The following ITGAL variants were observed in gnomAD, a reference collection of about 807,000 sequenced individuals.
The protein encoded by ITGAL is integrin subunit alpha L.
A neutral mutation model predicts 138.4 loss-of-function variants in ITGAL; 68 were observed. The observed-to-expected ratio is 0.49, with a 90% CI of 0.40 to 0.60. ITGAL has a LOEUF of 0.60. ITGAL is among the 20% of genes least tolerant of loss of function. ITGAL has a pLI of 0.00. For missense variants in ITGAL, 1,256 were observed against 1,478.6 expected, an observed-to-expected ratio of 0.85 and a Z score of 2.47; for synonymous variants, 561 against 584.3, an observed-to-expected ratio of 0.96 and a Z score of 0.57.
intron 15 of ITGAL, 117 bp from the exon 16 acceptor site, chr16:30,498,957 G>A: frequency 1.3e-6 from 1 of 784,424 alleles, no homozygotes; most frequent in Non-Finnish European, 2.1e-6. Flanking sequence ...ACAGTGACAT[G>A]TTGAGGTCTG....
At chr16:30,484,419 G>A (rs1266683133) in intron 9 of ITGAL, among the ~76,000 whole-genome samples, 156 bp downstream of exon 9, 1 of 151,716 alleles carries the variant, frequency 6.6e-6, no homozygotes, top group Non-Finnish European at 1.5e-5. Context: ...GACCAGCCTG[G>A]GCAACATGGC....
chr16:30,496,006 C>T (rs1007573832), intron 13 of ITGAL, 91 bp from the exon 14 acceptor site: 6 of 1,057,564 alleles, frequency 5.7e-6, no homozygotes, highest in African/African-American at 3.1e-5. Flanking sequence ...TGAGGGACCC[C>T]ATCTTACGTT....
At chr16:30,485,573 G>T (rs1296334675) in intron 9 of ITGAL, among the ~76,000 whole-genome samples, 2 of 151,618 alleles carry the variant, frequency 1.3e-5, no homozygotes, top group Non-Finnish European at 2.9e-5. Context: ...CACCCAGGCT[G>T]GGGTACAGTG....
Position 30,472,809 on chromosome 16 carries a change from G to A in ITGAL, c.-29G>A. On this transcript the variant is annotated 5_prime_UTR_variant, in exon 1 of 31. Coordinates refer to ENST00000356798, the MANE Select transcript of ITGAL (RefSeq NM_002209.3). ...CACGGGCCTCCTGACGCTGCCCCTG[G>A]GGCCACAGGTCCCTCGAGTGCTGGA... is the stretch of plus-strand genomic sequence containing the variant. 6.2e-7 allele frequency: 1 copy of A among 1,608,446 alleles called. No homozygotes were observed.
chr16:30,478,852 A>G (rs376300645), intron 4 of ITGAL, among the ~76,000 whole-genome samples: 3 of 152,060 alleles, frequency 2.0e-5, no homozygotes, highest in Admixed American at 6.6e-5. Flanking sequence ...CCAGATAAGG[A>G]GTCCAGACTC....
intron 17 of ITGAL, among the ~76,000 whole-genome samples, chr16:30,499,803 C>T (rs1343726210): frequency 1.4e-5 from 2 of 142,994 alleles, no homozygotes; most frequent in Admixed American, 1.4e-4. Context: ...GTCTCACTTA[C>T]TACAGCACGA....
At position 30,496,231 on chromosome 16, in the gene ITGAL, G is replaced by A; in HGVS notation, c.1638G>A (p.Glu546=). The A allele has an allele frequency of 1.2e-6, 2 of 1,612,580 alleles. No homozygotes were observed. Among genetic ancestry groups the A allele is most frequent in the East Asian group, 2.2e-5 (1 of 44,874 alleles). The change falls in exon 14 of 31, where the codon GAG becomes GAA. Residue 546 remains glutamate (E), a synonymous_variant. Coordinates refer to ENST00000356798, the MANE Select transcript of ITGAL (RefSeq NM_002209.3). ...ACGTGGCTGTGGGGGCCCCTCTGGA[G>A]GAGCAGGGGGCTGTGTACATCTTCA... is the stretch of plus-strand genomic sequence containing the variant. ...LVDVAVGAPL[E]EQGAVYIFNG...
At chr16:30,503,246 C>T (rs1381697017) in intron 17 of ITGAL, among the ~76,000 whole-genome samples, 1 of 152,142 alleles carries the variant, frequency 6.6e-6, no homozygotes, top group Non-Finnish European at 1.5e-5. Context: ...CAAACCTCTA[C>T]TCAGTGCCCC....
At chr16:30,481,882 G>C (rs911040980) in intron 7 of ITGAL, among the ~76,000 whole-genome samples, 20 of 151,798 alleles carry the variant, frequency 1.3e-4, no homozygotes, top group Non-Finnish European at 2.7e-4. Flanking sequence ...TTGTTTGTTT[G>C]GTTTTTGGTT....
At chr16:30,498,161 C>T (rs2050831328) in intron 15 of ITGAL, among the ~76,000 whole-genome samples, 1 of 149,624 alleles carries the variant, frequency 6.7e-6, no homozygotes, top group Non-Finnish European at 1.5e-5. Flanking sequence ...CCCATCTCTA[C>T]TAAAAATACA....
intron 25 of ITGAL, among the ~76,000 whole-genome samples, chr16:30,515,325 C>T (rs965629478): frequency 3.9e-5 from 6 of 152,196 alleles, no homozygotes; most frequent in Non-Finnish European, 8.8e-5. Flanking sequence ...ACCGCCCAGA[C>T]CCAATTCCTC....
Position 30,505,320 on chromosome 16 carries a change from A to C in ITGAL, c.2292+20A>C, listed in dbSNP as rs2151166420. Reference sequence around the variant, plus strand: ...TGGGAGGTAAGAGGGGAGAAGGGGCAGGCAGAGAGGCCTGGGAACAAGTCC... The same window carrying C: ...TGGGAGGTAAGAGGGGAGAAGGGGCCGGCAGAGAGGCCTGGGAACAAGTCC... On this transcript the variant is annotated intron_variant, in intron 19 of 30. Transcript: ENST00000356798. The C allele has an allele frequency of 1.2e-6, 2 of 1,613,188 alleles. No homozygotes were observed. Among genetic ancestry groups the C allele is most frequent in the African/African-American group, 2.7e-5 (2 of 75,044 alleles).
At chr16:30,498,975 G>A in intron 15 of ITGAL, 99 bp from the exon 16 acceptor site, 1 of 1,057,784 alleles carries the variant, frequency 9.5e-7, no homozygotes, top group South Asian at 1.5e-5. Flanking sequence ...CTGCTTTAGG[G>A]AAGGAGAGTT....
At chr16:30,519,505 T>C (rs1238287438) in intron 29 of ITGAL, among the ~76,000 whole-genome samples, 2 of 152,190 alleles carry the variant, frequency 1.3e-5, no homozygotes, top group Admixed American at 6.5e-5. Flanking sequence ...GTGGTGAGTG[T>C]TGGCAGGGCA....
Position 30,484,134 on chromosome 16 carries a change from A to G in ITGAL, c.877A>G (p.Lys293Glu), listed in dbSNP as rs560390527. The stretch of plus-strand genomic sequence containing the variant: ...ACAGATTGGAAAGCATTTTCAGACC[A>G]AGGAGAGTCAGGAGACCCTCCACAA... ...IIGIGKHFQT[K>E]ESQETLHKFA... Residue 293 changes from lysine to glutamate, a missense_variant, in exon 9 of 31, where the codon AAG becomes GAG. This residue lies in a region of ITGAL where 177 missense variants were observed against 288.8 expected (regional missense o/e 0.61). Coordinates refer to ENST00000356798, the MANE Select transcript of ITGAL (RefSeq NM_002209.3). 5 of 1,614,070 alleles carry G rather than the reference A, an allele frequency of 3.1e-6. No homozygotes were observed. The highest frequency in any genetic ancestry group is 2.7e-5 in the African/African-American group (2 of 75,026).
chr16:30,505,709 C>G (rs1316327414), intron 20 of ITGAL, among the ~76,000 whole-genome samples: 3 of 151,978 alleles, frequency 2.0e-5, no homozygotes, highest in African/African-American at 4.8e-5. Context: ...ATAGCAAGAC[C>G]CTGTCACTAA....
intron 9 of ITGAL, among the ~76,000 whole-genome samples, chr16:30,484,615 A>C (rs2050612415): frequency 6.6e-6 from 1 of 151,422 alleles, no homozygotes; most frequent in Non-Finnish European, 1.5e-5. Context: ...ATTTCAAAAA[A>C]TAAAAAACAA....
intron 15 of ITGAL, 92 bp downstream of exon 15, chr16:30,496,658 T>C (rs1286621895): frequency 1.6e-6 from 2 of 1,222,472 alleles, no homozygotes; most frequent in African/African-American, 3.2e-5. Flanking sequence ...TGGTTTTTTT[T>C]AGAGACAGGG....
At chr16:30,487,747 C>T (rs1255203854) in intron 9 of ITGAL, among the ~76,000 whole-genome samples, 2 of 149,380 alleles carry the variant, frequency 1.3e-5, no homozygotes, top group African/African-American at 4.9e-5. Context: ...ACTGTGTCAG[C>T]CAGGCTGGAG....
Sources: allele counts gnomAD v4.1 joint callset (sites outside exome capture counted in the v4.1 genomes callset), GRCh38; gene constraint gnomAD v4.1.1; regional missense constraint gnomAD v4.1.1; transcripts MANE v1.5; gene names NCBI Gene and HGNC (gene_info 2026-07-23, HGNC 2026-07-21).